MUC6: variants seen among roughly 807,000 people sequenced by gnomAD.
MUC6 encodes the protein mucin 6, oligomeric mucus/gel-forming (gene/pseudogene).
MUC6 carries 188 observed loss-of-function variants against 201.5 expected under a neutral mutation model. The observed-to-expected ratio is 0.93, with a 90% CI of 0.83 to 1.05. The LOEUF is 1.05. Among genes scored for constraint, MUC6 ranks in the 50% least tolerant of loss-of-function variants. The probability of loss-of-function intolerance (pLI) is 0.00; values close to 1 mark genes in which losing one functional copy is unlikely to be tolerated. For synonymous variants in MUC6, 1,228 were observed against 1,389.4 expected, an observed-to-expected ratio of 0.88 and a Z score of 2.58; for missense variants, 2,706 against 3,256.9, an observed-to-expected ratio of 0.83 and a Z score of 4.12.
chr11:1,028,330 A>C lies in MUC6; in HGVS notation c.1649T>G (p.Ile550Ser). 11 of 1,612,594 alleles carry C rather than the reference A, an allele frequency of 6.8e-6. No homozygotes were observed. The highest frequency in any genetic ancestry group is 9.3e-6 in the Non-Finnish European group (11 of 1,179,840). ...AAACAGCGAGGCGGTGCCCTCGGCG[A>C]TACCCATGCTAGTGGTGAAGTCATC... ...TTDDFTTSMGIAEGTASLFVD... is the reference protein window; with the variant it reads ...TTDDFTTSMGSAEGTASLFVD... Residue 550 changes from isoleucine to serine, a missense_variant, in exon 14 of 33, where the codon ATC (isoleucine) becomes AGC (serine). This residue lies in a region of MUC6 where 1,850 missense variants were observed against 1,958.3 expected (regional missense o/e 0.94). Transcript: ENST00000421673.
At position 1,029,120 on chromosome 11, in the gene MUC6, T is replaced by C. The variant is rs202040921; in HGVS notation, c.1306A>G (p.Met436Val). The C allele has an allele frequency of 1.7e-5, 28 of 1,612,250 alleles. No homozygotes were observed. The highest frequency in any genetic ancestry group is 1.0e-4 in the Admixed American group (6 of 59,956). Residue 436 changes from methionine to valine, a missense_variant, in exon 11 of 33, where the codon ATG (methionine) becomes GTG (valine). Coordinates refer to ENST00000421673, the MANE Select transcript of MUC6 (RefSeq NM_005961.3). ...ACGCCGGACTTGTCGTACACAGCCA[T>C]GAGGGCACCGTCCTCGGGAAGCTGG... ...SPQLPEDGAL[M>V]AVYDKSGVSH...
intron 2 of MUC6, 53 bp from the exon 3 acceptor site, chr11:1,032,106 G>A: frequency 6.3e-7 from 1 of 1,593,408 alleles, no homozygotes; most frequent in Non-Finnish European, 8.6e-7. Flanking sequence ...TCCTGGCCAG[G>A]CAGGGCTGGG....
rs888787719 is a variant in MUC6 at position 1,013,123 on chromosome 11, C to G, written c.*333G>C. On this transcript the variant is annotated 3_prime_UTR_variant, in exon 33 of 33. Coordinates refer to ENST00000421673, the MANE Select transcript of MUC6 (RefSeq NM_005961.3). The stretch of plus-strand genomic sequence containing the variant: ...TGGCTTCATCTGCAGGGTTCTGGGC[C>G]CAGCAGGGCTGGGGCCAAGTTCAGG... 5.3e-6 allele frequency: 2 copies of G among 378,096 alleles called. No individual in the cohort carries two copies. Among genetic ancestry groups the G allele is most frequent in the Admixed American group, 8.6e-5 (2 of 23,228 alleles). 23.4% of individuals were successfully genotyped at this position (378,096 alleles called of 1,614,324 possible). A position where few individuals can be genotyped will look rare whatever the true frequency, so the allele number is the denominator to read the frequency against.
chr11:1,025,408 C>T (rs1202008048), intron 22 of MUC6, 41 bp from the exon 23 acceptor site: 4 of 1,585,832 alleles, frequency 2.5e-6, no homozygotes, highest in South Asian at 2.2e-5. Context: ...GTCTGTCTCC[C>T]CCGGCCCCTG....
chr11:1,022,949 C>T (rs777225845), intron 26 of MUC6, among the ~76,000 whole-genome samples: 5 of 145,904 alleles, frequency 3.4e-5, no homozygotes, highest in South Asian at 2.2e-4. Context: ...AACAAATGTG[C>T]GTAAATGAAT....
Position 1,016,174 on chromosome 11 carries a change from C to A in MUC6, c.6627G>T (p.Arg2209Ser). Residue 2209 changes from arginine to serine, a missense_variant, in exon 31 of 33, where the codon AGG becomes AGT. Arg to Ser is a moderately radical substitution (Grantham distance 110). This residue lies in a region of MUC6 where 586 missense variants were observed against 488.0 expected (regional missense o/e 1.20). Transcript: ENST00000421673. ...PSSPAASTTI[R>S]ATLPHTISSP... ...AGGAGATAGTGTGGGGGAGAGTGGC[C>A]CTAATGGTAGTAGAGGCAGCTGGAG... 6.2e-7 allele frequency: 1 copy of A among 1,612,988 alleles called. No individual in the cohort carries two copies. The highest frequency in any genetic ancestry group is 1.1e-5 in the South Asian group (1 of 90,982).
intron 32 of MUC6, 39 bp downstream of exon 32, chr11:1,013,860 T>C: frequency 6.4e-7 from 1 of 1,565,500 alleles, no homozygotes. Flanking sequence ...TGTGAGCACC[T>C]TGGTGGACGT....
rs200245332 is a variant in MUC6, at chr11:1,015,923, G to C, written c.6878C>G (p.Thr2293Arg). ...SGFVSLTSGV[T>R]GIPTSPVTNL... ...GGTGACTGGAGAGGTGGGGATACCC[G>C]TCACCCCCGAGGTGAGTGACACAAA... Residue 2293 changes from threonine (T) to arginine (R), a missense_variant, in exon 31 of 33, where the codon ACG (threonine) becomes AGG (arginine). Around this residue, in one of 10 missense-constraint regions of MUC6, gnomAD observed 586 missense variants for 488.0 expected, o/e 1.20. Transcript: ENST00000421673. 1.1e-5 allele frequency: 17 copies of C among 1,601,870 alleles called. No individual in the cohort carries two copies. Among genetic ancestry groups the C allele is most frequent in the Non-Finnish European group, 1.4e-5 (17 of 1,173,252 alleles).
intron 2 of MUC6, 102 bp downstream of exon 2, chr11:1,032,900 TATGTGTGTTGG>T (rs1422931139): frequency 1.2e-6 from 1 of 845,158 alleles, no homozygotes; most frequent in East Asian, 2.6e-5. Context: ...TTGGTGCATA[TATGTGTGTTGG>T]ATGTGTGTGT....
chr11:1,013,586 C>T lies in MUC6; in HGVS notation c.7190G>A (p.Arg2397His), dbSNP rs745638656. The change falls in exon 33 of 33, where the codon CGC becomes CAC. Residue 2397 changes from arginine (R) to histidine (H), a missense_variant. By Grantham distance (29) the Arg-to-His change is conservative. This residue lies in a region of MUC6 where 586 missense variants were observed against 488.0 expected (regional missense o/e 1.20). Coordinates refer to ENST00000421673, the MANE Select transcript of MUC6 (RefSeq NM_005961.3). ...CTGCTGCTCATAGGAGTGGAGGGGG[C>T]GGCAGCAGCTGCAGCGGGCATCCAC... is the stretch of plus-strand genomic sequence containing the variant. Reference protein sequence around the residue: ...QQVDARCSCCRPLHSYEQQLE... With the variant: ...QQVDARCSCCHPLHSYEQQLE... The T allele has an allele frequency of 2.1e-4, 335 of 1,569,964 alleles. No individual in the cohort carries two copies. Among genetic ancestry groups the T allele is most frequent in the Non-Finnish European group, 2.6e-4 (304 of 1,159,374 alleles).
rs1857158897 is a variant in MUC6 at position 1,033,585 on chromosome 11, C to T, written c.53-510G>A. 1.3e-5 allele frequency among the ~76,000 whole-genome samples: 2 copies of T among 152,110 alleles called. No homozygotes were observed. The highest frequency in any genetic ancestry group is 4.2e-4 in the South Asian group (2 of 4,816). On this transcript the variant is annotated intron_variant, in intron 1 of 32. Coordinates refer to ENST00000421673, the MANE Select transcript of MUC6 (RefSeq NM_005961.3). The surrounding 1 kb of genome is among the most constrained non-coding windows in gnomAD (Gnocchi z 5.6). ...CATGGCCGCTTTCCTGCACGTCAGC[C>T]TTGAGACAGCCTTGATGTCAGGCCT...
In MUC6 at chr11:1,031,995, G is replaced by T; in HGVS notation, c.174C>A (p.His58Gln). ...WGAGHFSTFD[H>Q]HVYDFSGTCN... is the part of the protein sequence containing the mutation. ...ACGTCCCCGAGAAGTCGTACACGTG[G>T]TGGTCGAAGGTGGAGAAGTGACCAG... Residue 58 changes from histidine (H) to glutamine (Q), a missense_variant, in exon 3 of 33, where the codon CAC (histidine) becomes CAA (glutamine). His to Gln is a conservative substitution (Grantham distance 24, BLOSUM62 0). Transcript: ENST00000421673. 1 of 1,613,606 alleles carries T rather than the reference G, an allele frequency of 6.2e-7. No homozygotes were observed. The highest frequency in any genetic ancestry group is 8.5e-7 in the Non-Finnish European group (1 of 1,179,874).
At chr11:1,029,020 A>C (rs1564843128) in intron 11 of MUC6, 26 bp downstream of exon 11, 1 of 1,612,814 alleles carries the variant, frequency 6.2e-7, no homozygotes, top group Middle Eastern at 1.6e-4. Flanking sequence ...CCCTGCTGGC[A>C]GGGATGGGCG....
chr11:1,021,367 G>GT lies in MUC6; in HGVS notation c.3527-91_3527-90insA. The GT allele has an allele frequency of 5.0e-6, 3 of 605,816 alleles. 1 individual carries two copies. The highest frequency in any genetic ancestry group is 7.2e-5 in the South Asian group (2 of 27,874). 37.5% of individuals were successfully genotyped at this position (605,816 alleles called of 1,614,324 possible). ...TGCCCTGGCGGCCTCCTTCCTCTCTGCTTTTTTTTTTTTTTTTTTTTGAGA... is the reference window on the plus strand; with the variant it reads ...TGCCCTGGCGGCCTCCTTCCTCTCTGTCTTTTTTTTTTTTTTTTTTTTGAGA... On this transcript the variant is annotated intron_variant, in intron 26 of 32. Transcript: ENST00000421673.
Position 1,028,896 on chromosome 11 carries a change from G to C in MUC6, c.1446C>G (p.Tyr482Ter). Residue 482 changes from tyrosine to a stop codon, truncating the protein, a stop_gained, in exon 12 of 33, where the codon TAC becomes TAG. Transcript: ENST00000421673. LOFTEE classifies it high-confidence loss of function. The part of the protein sequence containing the change: ...TNNGEAKWLP[Y>*]KTRNITVFRQ... ...GACTGGGCCAGGACGTACGAGTCTT[G>C]TATGGCAGCCACTTGGCTTCTCCGT... 1 of 1,612,522 alleles carries C rather than the reference G, an allele frequency of 6.2e-7. No homozygotes were observed.
At chr11:1,030,101 G>A (rs1168551568) in intron 8 of MUC6, 112 bp downstream of exon 8, 3 of 1,295,958 alleles carry the variant, frequency 2.3e-6, no homozygotes, top group African/African-American at 1.5e-5. Flanking sequence ...TGGGACTCAG[G>A]CAGCAGAATG....
At position 1,016,388 on chromosome 11, in the gene MUC6, G is replaced by C; in HGVS notation, c.6413C>G (p.Pro2138Arg). 1 of 1,613,208 alleles carries C rather than the reference G, an allele frequency of 6.2e-7. No individual in the cohort carries two copies. The highest frequency in any genetic ancestry group is 1.3e-5 in the African/African-American group (1 of 74,986). ...GGGCACATAAGAAGAAACAGTAGAG[G>C]GGGCAGAAGGACTGGGAGAAAATGA... Reference protein sequence around the residue: ...SSSFSPSPSAPSTVSSYVPSS... With the variant: ...SSSFSPSPSARSTVSSYVPSS... The change falls in exon 31 of 33, where the codon CCC becomes CGC. Residue 2138 changes from proline to arginine, a missense_variant. Physicochemically the swap from Pro to Arg is moderately radical, Grantham distance 103 (BLOSUM62 -2). Around this residue, in one of 10 missense-constraint regions of MUC6, gnomAD observed 586 missense variants for 488.0 expected, o/e 1.20. Transcript: ENST00000421673.
At chr11:1,036,248 G>A (rs1461396341) in intron 1 of MUC6, among the ~76,000 whole-genome samples, 1 of 152,186 alleles carries the variant, frequency 6.6e-6, no homozygotes, top group Non-Finnish European at 1.5e-5. Context: ...CCCCACTCGG[G>A]GAGGGAGAGC....
rs201095862 is a variant in MUC6, at chr11:1,023,696, G to A, written c.3383-44C>T. On this transcript the variant is annotated intron_variant, in intron 25 of 32. Coordinates refer to ENST00000421673, the MANE Select transcript of MUC6 (RefSeq NM_005961.3). ...TCAGCTGGTGGGGTTCCTGGCCCTG[G>A]CCCTGGCCCTGACCCGGTGGTTCCC... 55 of 1,605,162 alleles carry A rather than the reference G, an allele frequency of 3.4e-5. No homozygotes were observed. The East Asian group carries it at 1.2e-3, about 35-fold the overall frequency.
Sources: allele counts gnomAD v4.1 joint callset (sites outside exome capture counted in the v4.1 genomes callset), GRCh38; gene constraint gnomAD v4.1.1; regional missense constraint gnomAD v4.1.1; non-coding constraint Gnocchi (gnomAD v3.1); transcripts MANE v1.5; gene names NCBI Gene and HGNC (gene_info 2026-07-23, HGNC 2026-07-21).